Variants in ANKFY1 observed in about 807,000 individuals in gnomAD.
ANKFY1 encodes the protein ankyrin repeat and FYVE domain-containing protein 1.
ANKFY1 carries 47 observed loss-of-function variants against 128.3 expected under a neutral mutation model. The ratio of observed to expected loss-of-function variants is 0.37; its 90% CI spans 0.29 to 0.47. The LOEUF (loss-of-function observed/expected upper bound fraction) is 0.47, where lower values mean the gene tolerates loss of function less well. Among genes scored for constraint, ANKFY1 ranks in the 20% least tolerant of loss-of-function variants. The probability of loss-of-function intolerance (pLI) is 1.00; values close to 1 mark genes in which losing one functional copy is unlikely to be tolerated. For synonymous variants in ANKFY1, 553 were observed against 601.6 expected, an observed-to-expected ratio of 0.92 and a Z score of 1.18; for missense variants, 1,222 against 1,510.6, an observed-to-expected ratio of 0.81 and a Z score of 3.17.
chr17:4,229,435 A>G (rs1378696138), intron 3 of ANKFY1, among the ~76,000 whole-genome samples: 1 of 152,112 alleles, frequency 6.6e-6, no homozygotes, highest in African/African-American at 2.4e-5. Context: ...AAAAAAAAAA[A>G]GAAAATGAGA....
chr17:4,250,052 C>G (rs913726880), intron 1 of ANKFY1, among the ~76,000 whole-genome samples: 2 of 152,206 alleles, frequency 1.3e-5, no homozygotes, highest in Non-Finnish European at 2.9e-5. Flanking sequence ...TAACTCTGTA[C>G]TCTAGCTTTC....
chr17:4,208,176 CTTCT>C, intron 5 of ANKFY1, 94 bp from the exon 6 acceptor site: 1 of 1,281,256 alleles, frequency 7.8e-7, no homozygotes, highest in Non-Finnish European at 1.1e-6. Flanking sequence ...CAGTCAGGCC[CTTCT>C]TTAAGGGCTT....
intron 22 of ANKFY1, 128 bp from the exon 23 acceptor site, chr17:4,170,989 A>G (rs2059308443): frequency 7.2e-7 from 1 of 1,381,084 alleles, no homozygotes; most frequent in South Asian, 1.3e-5. Context: ...AAGTCCCCAC[A>G]GACATACGGG....
Position 4,181,180 on chromosome 17 carries a change from G to C in ANKFY1, c.2240+74C>G. 2 of 1,260,250 alleles carry C rather than the reference G, an allele frequency of 1.6e-6. No homozygotes were observed. Among genetic ancestry groups the C allele is most frequent in the Non-Finnish European group, 2.3e-6 (2 of 862,642 alleles). 78.1% of individuals were successfully genotyped at this position (1,260,250 alleles called of 1,614,324 possible). ...TACTGGCATGCCAAGACTATAGACG[G>C]ATTTAAAAAGGAAAGAGCCAGTTTG... On this transcript the variant is annotated intron_variant, in intron 16 of 24. Coordinates refer to ENST00000341657, the MANE Select transcript of ANKFY1 (RefSeq NM_001330063.2). The surrounding 1 kb of genome is among the most constrained non-coding windows in gnomAD (Gnocchi z 4.9).
chr17:4,242,626 C>G (rs1029120495), intron 1 of ANKFY1, among the ~76,000 whole-genome samples, 178 bp from the exon 2 acceptor site: 1 of 152,230 alleles, frequency 6.6e-6, no homozygotes, highest in East Asian at 1.9e-4. Context: ...GGTACGGTGG[C>G]TCACACCTGT....
chr17:4,223,595 G>T, intron 3 of ANKFY1: 1 of 1,307,000 alleles, frequency 7.7e-7, no homozygotes, highest in Non-Finnish European at 1.1e-6. Flanking sequence ...GGCCTTTGGA[G>T]TGATGCTGTG....
Position 4,183,604 on chromosome 17 carries a change from C to T in ANKFY1, c.1799-53G>A, listed in dbSNP as rs1055532340. On this transcript the variant is annotated intron_variant, in intron 13 of 24. Coordinates refer to ENST00000341657, the MANE Select transcript of ANKFY1 (RefSeq NM_001330063.2). ...GGCTCGGCTTTTCCCGCTTCCTCAA[C>T]ATCTTACTACAACAGCCAGACCCTC... The T allele has an allele frequency of 8.8e-6, 14 of 1,597,158 alleles. No homozygotes were observed. In the East Asian group the frequency reaches 3.1e-4, roughly 36 times the overall value.
intron 3 of ANKFY1, among the ~76,000 whole-genome samples, chr17:4,225,335 G>A (rs1429108603): frequency 6.6e-6 from 1 of 152,100 alleles, no homozygotes; most frequent in East Asian, 1.9e-4. Flanking sequence ...CTAGCCTGGG[G>A]GACAGAGCGA....
rs1201653410 is a variant in ANKFY1 at position 4,169,923 on chromosome 17, T to A, written c.3287-635A>T. On this transcript the variant is annotated intron_variant, in intron 23 of 24. Coordinates refer to ENST00000341657, the MANE Select transcript of ANKFY1 (RefSeq NM_001330063.2). This position sits in a 1 kb window ranked among gnomAD's most constrained non-coding sequence, Gnocchi z 5.0. ...TGTCTGACTGCTCTACATAGACAGG[T>A]CCACTGAGCTCATGGGGACGGAGCA... is the stretch of plus-strand genomic sequence containing the variant. Among the ~76,000 whole-genome samples the A allele has an allele frequency of 6.6e-6, 1 of 152,210 alleles. No individual in the cohort carries two copies. The highest frequency in any genetic ancestry group is 2.4e-5 in the African/African-American group (1 of 41,448).
rs999761542 is a variant in ANKFY1, at chr17:4,178,793, G to C, written c.2598+64C>G. The C allele has an allele frequency of 5.4e-6, 8 of 1,488,818 alleles. No homozygotes were observed. Among genetic ancestry groups the C allele is most frequent in the Non-Finnish European group, 6.5e-6 (7 of 1,072,022 alleles). 92.2% of individuals were successfully genotyped at this position (1,488,818 alleles called of 1,614,324 possible). A position where few individuals can be genotyped will look rare whatever the true frequency, so the allele number is the denominator to read the frequency against. On this transcript the variant is annotated intron_variant, in intron 18 of 24. Coordinates refer to ENST00000341657, the MANE Select transcript of ANKFY1 (RefSeq NM_001330063.2). This position sits in a 1 kb window ranked among gnomAD's most constrained non-coding sequence, Gnocchi z 4.1. ...GAGACCTGTTTAGTCGGTGACATCTGTCTAGTCTCCAGGTTCCGCGACGCC... is the reference window on the plus strand; with the variant it reads ...GAGACCTGTTTAGTCGGTGACATCTCTCTAGTCTCCAGGTTCCGCGACGCC...
At chr17:4,262,327 T>C (rs1371108166) in intron 1 of ANKFY1, among the ~76,000 whole-genome samples, 1 of 152,118 alleles carries the variant, frequency 6.6e-6, no homozygotes, top group Non-Finnish European at 1.5e-5. Context: ...AGTAGCACGA[T>C]CTCAGCTCAC....
intron 4 of ANKFY1, among the ~76,000 whole-genome samples, chr17:4,214,136 G>C (rs1176824316): frequency 6.6e-6 from 1 of 152,184 alleles, no homozygotes; most frequent in Non-Finnish European, 1.5e-5. Flanking sequence ...CATTTGCAGA[G>C]CACTTTACAA....
intron 7 of ANKFY1, among the ~76,000 whole-genome samples, chr17:4,204,470 A>C (rs1022211708): frequency 1.4e-4 from 21 of 152,224 alleles, no homozygotes; most frequent in African/African-American, 4.6e-4. Context: ...GCAACACTCT[A>C]AAGTTAGCAA....
intron 7 of ANKFY1, among the ~76,000 whole-genome samples, chr17:4,200,236 G>T (rs1172045381): frequency 6.6e-6 from 1 of 151,836 alleles, no homozygotes; most frequent in African/African-American, 2.4e-5. Flanking sequence ...TAATTTTTTT[G>T]TGTTTTTGGT....
At chr17:4,183,584 G>C (rs777879756) in intron 13 of ANKFY1, 33 bp from the exon 14 acceptor site, 1 of 1,603,872 alleles carries the variant, frequency 6.2e-7, no homozygotes, top group Non-Finnish European at 8.5e-7. Context: ...ATCCAGGCTC[G>C]GCTTTTCCCG....
intron 3 of ANKFY1, among the ~76,000 whole-genome samples, chr17:4,227,736 T>C (rs982112995): frequency 6.6e-6 from 1 of 152,112 alleles, no homozygotes; most frequent in Admixed American, 6.5e-5. Flanking sequence ...TAAGAAAATA[T>C]AAAATTGTCA....
At chr17:4,229,241 T>G (rs1213345581) in intron 3 of ANKFY1, among the ~76,000 whole-genome samples, 1 of 152,052 alleles carries the variant, frequency 6.6e-6, no homozygotes, top group Non-Finnish European at 1.5e-5. Context: ...ATGGCCAACG[T>G]GGCAAAACCC....
At chr17:4,249,562 G>A (rs1967726390) in intron 1 of ANKFY1, among the ~76,000 whole-genome samples, 1 of 152,168 alleles carries the variant, frequency 6.6e-6, no homozygotes, top group South Asian at 2.1e-4. Context: ...TAAAGAATTA[G>A]AACGTTAAAA....
intron 1 of ANKFY1, 125 bp downstream of exon 1, chr17:4,263,807 C>T (rs1056414271): frequency 2.5e-6 from 4 of 1,605,064 alleles, no homozygotes; most frequent in Admixed American, 1.7e-5. Flanking sequence ...GACAGGAAGG[C>T]TCGCGAGACC....
Sources: gnomAD v4.1 joint callset for allele counts (sites outside exome capture counted in the v4.1 genomes callset) on GRCh38, gnomAD v4.1.1 for gene constraint, Gnocchi (gnomAD v3.1) non-coding constraint, MANE v1.5 for transcripts, NCBI Gene and HGNC (gene_info 2026-07-23, HGNC 2026-07-21) for gene names.